FSCN2: variants seen among roughly 807,000 people sequenced by gnomAD.
FSCN2 encodes the protein fascin-2.
A neutral mutation model predicts 37.8 loss-of-function variants in FSCN2; 46 were observed. The observed-to-expected ratio is 1.22, with a 90% confidence interval of 0.96 to 1.56. The LOEUF (loss-of-function observed/expected upper bound fraction) is 1.56. FSCN2 is among the 40% of genes most tolerant of loss of function. FSCN2 has a pLI of 0.00. For synonymous variants in FSCN2, 351 were observed against 309.4 expected (o/e 1.13, Z -1.41); for missense variants, 844 against 730.4 (o/e 1.16, Z -1.79).
chr17:81,531,965 A>G (rs534132856), intron 1 of FSCN2, among the ~76,000 whole-genome samples: 1,790 of 42,892 alleles, frequency 0.042, 38 homozygotes, highest in African/African-American at 0.11. Context: ...TGATGGTGAT[A>G]GTGATGATAA....
chr17:81,524,891 CTT>C (rs2032300517), upstream of FSCN2, among the ~76,000 whole-genome samples: 1 of 27,436 alleles, frequency 3.6e-5, no homozygotes, highest in Non-Finnish European at 6.7e-5. Context: ...CCATGAGCAC[CTT>C]CACACACACA....
Position 81,536,240 on chromosome 17 carries a change from C to T in FSCN2, c.1078C>T (p.Gln360Ter), listed in dbSNP as rs1414422619. ...GRYVCMKKNG[Q>*]LAAISDFVGK... ...CTACGTGTGCATGAAGAAGAATGGG[C>T]AGCTGGCGGCTATCAGCGATTTTGT... The change falls in exon 3 of 5, where the codon CAG becomes TAG. Residue 360 changes from glutamine (Q) to a stop codon, truncating the protein, a stop_gained. Coordinates refer to ENST00000417245, the MANE Select transcript of FSCN2 (RefSeq NM_012418.4). LOFTEE classifies it high-confidence loss of function. The T allele has an allele frequency of 1.2e-6, 2 of 1,601,552 alleles. No individual in the cohort carries two copies. Among genetic ancestry groups the T allele is most frequent in the Admixed American group, 1.7e-5 (1 of 58,320 alleles).
rs73369203 is a variant in FSCN2, at chr17:81,536,209, C to T, written c.1047C>T (p.Asn349=). 4.5e-3 allele frequency: 7,216 copies of T among 1,600,534 alleles called. 165 individuals are homozygous for T. The African/African-American group carries it at 0.06, about 13-fold the overall frequency. Reference sequence around the variant, plus strand: ...GGCGGGTAGCACTCAAAGCCAGCAACGGGCGCTACGTGTGCATGAAGAAGA... The same window carrying T: ...GGCGGGTAGCACTCAAAGCCAGCAATGGGCGCTACGTGTGCATGAAGAAGA... The part of the protein sequence containing the change: ...RGRRVALKAS[N]GRYVCMKKNG... The change falls in exon 3 of 5, where the codon AAC becomes AAT. Residue 349 remains asparagine, a synonymous_variant. Coordinates refer to ENST00000417245, the MANE Select transcript of FSCN2 (RefSeq NM_012418.4).
chr17:81,525,268 A>G (rs2143833075), upstream of FSCN2, among the ~76,000 whole-genome samples: 1 of 151,602 alleles, frequency 6.6e-6, no homozygotes, highest in South Asian at 2.1e-4. Flanking sequence ...TCTACTAAAA[A>G]TACAAAAACT....
chr17:81,536,729 A>G lies in FSCN2; in HGVS notation c.1213A>G (p.Asn405Asp). 2 of 1,611,184 alleles carry G rather than the reference A, an allele frequency of 1.2e-6. 1 individual carries two copies. Among genetic ancestry groups the G allele is most frequent in the South Asian group, 2.2e-5 (2 of 90,894 alleles). Reference protein sequence around the residue: ...HHRGSNQLDTNRSVYDVFHLS... With the variant: ...HHRGSNQLDTDRSVYDVFHLS... ...CCGCGGCTCCAACCAGCTGGACACC[A>G]ACCGCTCCGTCTACGACGTCTTCCA... The change falls in exon 4 of 5, where the codon AAC (asparagine) becomes GAC (aspartate). Residue 405 changes from asparagine to aspartate, a missense_variant. Asn to Asp is a conservative substitution (Grantham distance 23). Coordinates refer to ENST00000417245, the MANE Select transcript of FSCN2 (RefSeq NM_012418.4).
the FSCN2 span, among the ~76,000 whole-genome samples, chr17:81,517,769 C>G: frequency 2.4e-4 from 37 of 151,312 alleles, no homozygotes; most frequent in South Asian, 2.1e-3. Flanking sequence ...CGCCCCCCCC[C>G]CCTCCAGTCC....
At chr17:81,532,169 G>C (rs1568078786) in intron 1 of FSCN2, among the ~76,000 whole-genome samples, 1 of 126,118 alleles carries the variant, frequency 7.9e-6, no homozygotes, top group Non-Finnish European at 1.6e-5. Context: ...TGATGGTGAT[G>C]GTGGTGGTGA....
the FSCN2 span, among the ~76,000 whole-genome samples, chr17:81,517,654 T>A: frequency 6.6e-6 from 1 of 151,806 alleles, no homozygotes; most frequent in South Asian, 2.1e-4. Flanking sequence ...AGAAGAAGGC[T>A]CCTTTCCCCA....
rs1555670455 is a variant in FSCN2 at position 81,528,474 on chromosome 17, G to A, written c.-58G>A. On this transcript the variant is annotated 5_prime_UTR_variant, in exon 1 of 5. Transcript: ENST00000417245. ...CCCGGGCTTCTGGGGGACCGCGGGG[G>A]CCGTGAGCACTCAGAGGGCGCATCC... 9.1e-6 allele frequency: 12 copies of A among 1,316,434 alleles called. No homozygotes were observed. The highest frequency in any genetic ancestry group is 4.4e-5 in the African/African-American group (3 of 68,278). 81.5% of individuals were successfully genotyped at this position (1,316,434 alleles called of 1,614,324 possible).
At chr17:81,532,539 ATGG>A (rs1368036876) in intron 1 of FSCN2, among the ~76,000 whole-genome samples, 21 of 127,932 alleles carry the variant, frequency 1.6e-4, no homozygotes, top group Middle Eastern at 0.01. Context: ...GATGATAGTG[ATGG>A]TGGTGATGGT....
the FSCN2 span, among the ~76,000 whole-genome samples, chr17:81,521,707 C>T: frequency 2.1e-3 from 318 of 152,224 alleles, no homozygotes; most frequent in African/African-American, 7.2e-3. Context: ...TCGTTTTAAA[C>T]ATCTTGACAC....
rs899036308 is a variant in FSCN2 at position 81,535,179 on chromosome 17, T to C, written c.954T>C (p.His318=). The change falls in exon 2 of 5, where the codon CAT becomes CAC. Residue 318 remains histidine (H), a synonymous_variant. Transcript: ENST00000417245. The part of the protein sequence containing the change: ...STGGYWTLVT[H]GGIHATATQV... The stretch of plus-strand genomic sequence containing the variant: ...GGGGCTACTGGACCCTGGTCACCCA[T>C]GGGGGCATTCACGCCACAGCCACAC... The C allele has an allele frequency of 2.6e-6, 4 of 1,533,140 alleles. No homozygotes were observed. The highest frequency in any genetic ancestry group is 2.5e-5 in the East Asian group (1 of 40,702). 95.0% of individuals were successfully genotyped at this position (1,533,140 alleles called of 1,614,324 possible).
intron 4 of FSCN2, 33 bp downstream of exon 4, chr17:81,536,822 G>C (rs749800353): frequency 1.9e-6 from 3 of 1,555,468 alleles, no homozygotes; most frequent in African/African-American, 2.7e-5. Context: ...ACGCGGGAGC[G>C]GGGGTGGCAG....
rs1487015386 is a variant in FSCN2, at chr17:81,529,063, A to G, written c.532A>G (p.Ile178Val). The change falls in exon 1 of 5, where the codon ATC becomes GTC. Residue 178 changes from isoleucine (I) to valine (V), a missense_variant. Transcript: ENST00000417245. ...PWGVDALLTL[I>V]FRSRRYCLKS... is the part of the protein sequence containing the mutation. ...GGGCGTGGACGCCCTCCTCACCCTC[A>G]TCTTCCGGAGCCGACGGTACTGCCT... 2.5e-6 allele frequency: 4 copies of G among 1,592,242 alleles called. No individual in the cohort carries two copies. The highest frequency in any genetic ancestry group is 3.4e-6 in the Non-Finnish European group (4 of 1,172,114).
At chr17:81,532,437 GTGATGATGATGGTGA>G (rs1568079356) in intron 1 of FSCN2, among the ~76,000 whole-genome samples, 1 of 114,670 alleles carries the variant, frequency 8.7e-6, no homozygotes, top group Non-Finnish European at 1.8e-5. Flanking sequence ...GATGATAATG[GTGATGATGATGGTGA>G]TGGTGGTGGT....
upstream of FSCN2, among the ~76,000 whole-genome samples, chr17:81,525,425 C>CAAGAAAAAAAAAAAAAAAAAAA (rs2032321257): frequency 2.1e-5 from 1 of 47,856 alleles, no homozygotes; most frequent in Non-Finnish European, 4.2e-5. Flanking sequence ...GACTCTGTCT[C>CAAGAAAAAAAAAAAAAAAAAAA]AAAAAAAAAA....
chr17:81,536,373 A>G (rs1313945124), intron 3 of FSCN2, 106 bp downstream of exon 3: 2 of 1,462,862 alleles, frequency 1.4e-6, no homozygotes, highest in East Asian at 2.5e-5. Context: ...TCCCCAGCCC[A>G]CGGAACGGGT....
intron 1 of FSCN2, among the ~76,000 whole-genome samples, chr17:81,531,615 ATGGTGATGGTGG>A (rs1376375316): frequency 2.0e-4 from 19 of 97,146 alleles, no homozygotes; most frequent in East Asian, 1.1e-3. Context: ...AATGGTGATG[ATGGTGATGGTGG>A]TGGTGATGGT....
chr17:81,523,431 G>C, upstream of FSCN2, among the ~76,000 whole-genome samples: 1 of 152,240 alleles, frequency 6.6e-6, no homozygotes, highest in South Asian at 2.1e-4. Flanking sequence ...CGATAGCTCA[G>C]CCATGAAAAA....
Sources: allele counts gnomAD v4.1 joint callset (sites outside exome capture counted in the v4.1 genomes callset), GRCh38; gene constraint gnomAD v4.1.1; transcripts MANE v1.5; gene names NCBI Gene and HGNC (gene_info 2026-07-23, HGNC 2026-07-21).